PLEKHG1: variants seen among roughly 807,000 people sequenced by gnomAD.
The protein encoded by PLEKHG1 is pleckstrin homology domain-containing family G member 1.
Under a neutral mutation model 100.8 loss-of-function variants are expected in PLEKHG1, and 44 were observed. The ratio of observed to expected loss-of-function variants is 0.44; its 90% confidence interval spans 0.34 to 0.56. The LOEUF is 0.56. Among genes scored for constraint, PLEKHG1 ranks in the 20% least tolerant of loss-of-function variants. PLEKHG1 has a pLI of 0.01. For synonymous variants in PLEKHG1, 640 were observed against 662.5 expected, an observed-to-expected ratio of 0.97 and a Z score of 0.52; for missense variants, 1,545 against 1,720.9, an observed-to-expected ratio of 0.90 and a Z score of 1.81.
intron 3 of PLEKHG1, among the ~76,000 whole-genome samples, chr6:150,674,841 C>A (rs373215869): frequency 1.3e-5 from 2 of 152,022 alleles, no homozygotes; most frequent in Admixed American, 1.3e-4. Context: ...TACCACCATG[C>A]CTGGCTAATT....
At chr6:150,733,861 G>C (rs770902475) in exon 2 of PLEKHG1, 2 of 1,614,184 alleles carry the variant, frequency 1.2e-6, no homozygotes, top group Non-Finnish European at 1.7e-6. Context: ...TTCCTGCCAG[G>C]CCGTTTTCCA....
chr6:150,819,883 C>T (rs934969399), intron 12 of PLEKHG1, 109 bp downstream of exon 13: 68 of 729,202 alleles, frequency 9.3e-5, no homozygotes, highest in Non-Finnish European at 1.4e-4. Context: ...AGCTCACTGC[C>T]GGTCTGAATA....
intron 2 of PLEKHG1, among the ~76,000 whole-genome samples, chr6:150,748,629 T>C (rs1398848114): frequency 6.7e-6 from 1 of 149,168 alleles, no homozygotes; most frequent in Non-Finnish European, 1.5e-5. Flanking sequence ...TTTTTTTTTT[T>C]TTTTTTTGAG....
At chr6:150,795,702 A>C (rs2128659238) in intron 4 of PLEKHG1, among the ~76,000 whole-genome samples, 154 bp from the exon 6 acceptor site, 1 of 151,580 alleles carries the variant, frequency 6.6e-6, no homozygotes, top group Non-Finnish European at 1.5e-5. Context: ...AGCCTGGCCA[A>C]CAAGAGCAAA....
rs575433347 is a variant in PLEKHG1, at chr6:150,711,605, C to T, written c.-98-21979C>T. ...TAATTGAAACACTGGATTAGAAAGC[C>T]CCAGAGTATCTTTGCAATGTTGACA... On this transcript the variant is annotated intron_variant, in intron 3 of 3. Coordinates refer to the PLEKHG1 transcript ENST00000367326. Among the ~76,000 whole-genome samples the T allele has an allele frequency of 2.0e-5, 3 of 152,094 alleles. No individual in the cohort carries two copies. In the South Asian group the frequency reaches 6.3e-4, roughly 32 times the overall value.
At chr6:150,813,196 G>A (rs1737907) in intron 10 of PLEKHG1, among the ~76,000 whole-genome samples, 3 of 151,352 alleles carry the variant, frequency 2.0e-5, no homozygotes, top group African/African-American at 7.3e-5. Flanking sequence ...TCCCAGCTAC[G>A]CGGGAGGCTG....
At chr6:150,788,917 C>A (rs1785800739) in intron 4 of PLEKHG1, among the ~76,000 whole-genome samples, 2 of 152,168 alleles carry the variant, frequency 1.3e-5, no homozygotes, top group Non-Finnish European at 2.9e-5. Flanking sequence ...GCACATGTAC[C>A]ACCCACTTAC....
chr6:150,815,303 A>G (rs1787802065), intron 10 of PLEKHG1, among the ~76,000 whole-genome samples: 1 of 152,168 alleles, frequency 6.6e-6, no homozygotes, highest in Non-Finnish European at 1.5e-5. Flanking sequence ...TAATTCAATG[A>G]TGGTCCTTGG....
intron 3 of PLEKHG1, among the ~76,000 whole-genome samples, chr6:150,658,822 A>G (rs907206447): frequency 6.6e-6 from 1 of 152,158 alleles, no homozygotes; most frequent in Non-Finnish European, 1.5e-5. Context: ...CAGCTGTCTC[A>G]TCTCTGCTTT....
At chr6:150,840,649 C>T in exon 16 of PLEKHG1, 1 of 1,614,204 alleles carries the variant, frequency 6.2e-7, no homozygotes, top group Non-Finnish European at 8.5e-7. Context: ...AAATCTGACT[C>T]AAAGTTTGTG....
At chr6:150,759,156 AGAAG>A (rs1348242010) in intron 2 of PLEKHG1, among the ~76,000 whole-genome samples, 3 of 152,222 alleles carry the variant, frequency 2.0e-5, no homozygotes, top group Non-Finnish European at 2.9e-5. Context: ...TGCATTAGTG[AGAAG>A]GAAGGACGAG....
At chr6:150,653,214 G>GA (rs1014172890) in intron 3 of PLEKHG1, among the ~76,000 whole-genome samples, 1 of 151,436 alleles carries the variant, frequency 6.6e-6, no homozygotes, top group African/African-American at 2.4e-5. Context: ...AAAAACAGAA[G>GA]AAAAAAAATG....
intron 14 of PLEKHG1, among the ~76,000 whole-genome samples, chr6:150,823,879 C>T (rs559025278): frequency 2.6e-5 from 4 of 152,322 alleles, no homozygotes; most frequent in Admixed American, 6.5e-5. Context: ...TCCCTTTCCC[C>T]AGCCCACATC....
At chr6:150,757,142 C>T (rs1469269881) in intron 2 of PLEKHG1, among the ~76,000 whole-genome samples, 1 of 152,086 alleles carries the variant, frequency 6.6e-6, no homozygotes, top group East Asian at 1.9e-4. Context: ...GGATTACAGG[C>T]GCCCACTACC....
At chr6:150,772,385 C>T (rs1430013663) in intron 3 of PLEKHG1, among the ~76,000 whole-genome samples, 1 of 152,150 alleles carries the variant, frequency 6.6e-6, no homozygotes, top group Non-Finnish European at 1.5e-5. Flanking sequence ...TGTGGGAGGC[C>T]CAGGTGGGAG....
intron 7 of PLEKHG1, 84 bp downstream of exon 8, chr6:150,804,825 A>AG: frequency 7.8e-7 from 1 of 1,283,284 alleles, no homozygotes; most frequent in Non-Finnish European, 1.1e-6. Flanking sequence ...AGGCTGCTCA[A>AG]GTACTGCACT....
At chr6:150,688,043 C>T (rs575749969) in intron 3 of PLEKHG1, among the ~76,000 whole-genome samples, 2 of 152,266 alleles carry the variant, frequency 1.3e-5, no homozygotes, top group South Asian at 4.1e-4. Context: ...GTAAATTTGT[C>T]ATTTAACCAG....
intron 3 of PLEKHG1, among the ~76,000 whole-genome samples, chr6:150,769,584 C>CAAAAAAA (rs5880898): frequency 3.1e-5 from 2 of 64,314 alleles, no homozygotes; most frequent in East Asian, 3.6e-4. Flanking sequence ...GACTCCATCT[C>CAAAAAAA]AAAAAAAAAA....
intron 3 of PLEKHG1, among the ~76,000 whole-genome samples, chr6:150,661,219 T>C (rs1290746859): frequency 1.3e-5 from 2 of 152,182 alleles, no homozygotes; most frequent in Non-Finnish European, 2.9e-5. Flanking sequence ...GGTCCAGCGC[T>C]CACTAACATT....
Sources: gnomAD v4.1 joint callset for allele counts (sites outside exome capture counted in the v4.1 genomes callset) on GRCh38, gnomAD v4.1.1 for gene constraint, MANE v1.5 for transcripts, NCBI Gene and HGNC (gene_info 2026-07-23, HGNC 2026-07-21) for gene names.